Variants in VPS13B observed in about 807,000 individuals in gnomAD.
The protein encoded by VPS13B is intermembrane lipid transfer protein VPS13B.
Under a neutral mutation model 426.4 loss-of-function variants are expected in VPS13B, and 285 were observed. The ratio of observed to expected loss-of-function variants is 0.67; its 90% CI spans 0.61 to 0.74. The LOEUF is 0.74. Among genes scored for constraint, VPS13B ranks in the 30% least tolerant of loss-of-function variants. The pLI is 0.00. For missense variants in VPS13B, 4,537 were observed against 4,782.6 expected, an observed-to-expected ratio of 0.95 and a Z score of 1.51; for synonymous variants, 1,676 against 1,676.4, an observed-to-expected ratio of 1.00 and a Z score of 0.01.
chr8:99,874,730 G>T (rs1272345578), intron 61 of VPS13B, among the ~76,000 whole-genome samples: 1 of 152,062 alleles, frequency 6.6e-6, no homozygotes, highest in Non-Finnish European at 1.5e-5. Flanking sequence ...TCTCACTGAA[G>T]AACCTAGTGT....
intron 21 of VPS13B, among the ~76,000 whole-genome samples, chr8:99,402,770 G>A (rs142901763): frequency 1.3e-5 from 2 of 152,324 alleles, no homozygotes; most frequent in African/African-American, 4.8e-5. Context: ...AGCTAGGAAG[G>A]CAATGAAGTT....
At chr8:99,540,030 TA>T (rs1823485237) in intron 30 of VPS13B, among the ~76,000 whole-genome samples, 1 of 1,466 alleles carries the variant, frequency 6.8e-4, no homozygotes, top group Non-Finnish European at 2.0e-3. Flanking sequence ...TATATATATA[TA>T]TATATATATA....
chr8:99,507,005 G>A, intron 27 of VPS13B, 132 bp from the exon 28 acceptor site: 1 of 888,852 alleles, frequency 1.1e-6, no homozygotes. Context: ...TCTATTGATT[G>A]CATTGTCAGA....
chr8:99,758,325 G>A (rs569398546), intron 39 of VPS13B, among the ~76,000 whole-genome samples: 2 of 152,130 alleles, frequency 1.3e-5, no homozygotes, highest in African/African-American at 2.4e-5. Flanking sequence ...GACAAGAGAG[G>A]ATTAGTGAGT....
At chr8:99,472,878 T>G (rs762949619) in intron 24 of VPS13B, among the ~76,000 whole-genome samples, 1 of 151,928 alleles carries the variant, frequency 6.6e-6, no homozygotes, top group Non-Finnish European at 1.5e-5. Context: ...AAGAAAATAA[T>G]GAACAACTTT....
intron 17 of VPS13B, among the ~76,000 whole-genome samples, chr8:99,228,268 T>C (rs1001456611): frequency 2.0e-5 from 3 of 152,224 alleles, no homozygotes; most frequent in South Asian, 4.1e-4. Flanking sequence ...TTTGTGCTTA[T>C]GTGCTAGGAA....
intron 56 of VPS13B, among the ~76,000 whole-genome samples, chr8:99,858,959 A>T (rs1410750402): frequency 1.3e-5 from 2 of 152,130 alleles, no homozygotes; most frequent in Non-Finnish European, 2.9e-5. Flanking sequence ...TCCCACCTGC[A>T]AACACCTGCA....
intron 21 of VPS13B, among the ~76,000 whole-genome samples, chr8:99,425,560 G>A (rs1426010996): frequency 2.0e-5 from 3 of 152,130 alleles, no homozygotes; most frequent in Non-Finnish European, 4.4e-5. Context: ...TTCATGGGAT[G>A]TATCTCAAAA....
At chr8:99,129,370 C>T (rs1809626161) in intron 8 of VPS13B, among the ~76,000 whole-genome samples, 1 of 150,932 alleles carries the variant, frequency 6.6e-6, no homozygotes, top group Admixed American at 6.6e-5. Flanking sequence ...TGACATATAG[C>T]CTGGGCAACA....
intron 4 of VPS13B, among the ~76,000 whole-genome samples, chr8:99,099,105 A>T (rs923749882): frequency 6.6e-6 from 1 of 152,074 alleles, no homozygotes. Flanking sequence ...TAGCTCCTAC[A>T]GTAATTGCCC....
intron 2 of VPS13B, among the ~76,000 whole-genome samples, chr8:99,021,804 G>A (rs1300128713): frequency 6.6e-6 from 1 of 152,028 alleles, no homozygotes; most frequent in Non-Finnish European, 1.5e-5. Flanking sequence ...GTAGAGACGA[G>A]GTCTCACGAT....
At chr8:99,314,866 A>C (rs988759189) in intron 19 of VPS13B, among the ~76,000 whole-genome samples, 7 of 152,320 alleles carry the variant, frequency 4.6e-5, no homozygotes, top group Middle Eastern at 3.4e-3. Flanking sequence ...TGATCCCCTT[A>C]TTATTATATT....
At chr8:99,378,016 C>T (rs34064887) in intron 19 of VPS13B, among the ~76,000 whole-genome samples, 8,864 of 152,096 alleles carry the variant, frequency 0.058, 266 homozygotes, top group South Asian at 0.093. Flanking sequence ...GACTAGAATT[C>T]GCCAGGCTGG....
chr8:99,627,131 G>A (rs1326359913), intron 33 of VPS13B, among the ~76,000 whole-genome samples: 1 of 152,002 alleles, frequency 6.6e-6, no homozygotes, highest in Non-Finnish European at 1.5e-5. Flanking sequence ...AGGAGGGGAT[G>A]GGGAGTTGTT....
At chr8:99,384,473 T>C (rs1474731320) in intron 20 of VPS13B, among the ~76,000 whole-genome samples, 156 bp downstream of exon 20, 1 of 152,210 alleles carries the variant, frequency 6.6e-6, no homozygotes, top group Admixed American at 6.5e-5. Flanking sequence ...CGTTCCCTTA[T>C]TTTTGTATGA....
chr8:99,437,405 A>C (rs541799215), intron 22 of VPS13B, among the ~76,000 whole-genome samples: 1 of 146,498 alleles, frequency 6.8e-6, no homozygotes, highest in African/African-American at 2.6e-5. Flanking sequence ...CTTTTTTTTT[A>C]AAAAAAAATA....
intron 30 of VPS13B, among the ~76,000 whole-genome samples, chr8:99,543,521 A>G (rs1190478454): frequency 8.5e-5 from 13 of 152,104 alleles, no homozygotes; most frequent in South Asian, 2.1e-4. Context: ...CAGAGTGAAT[A>G]GGCAACCTAC....
chr8:99,401,538 G>A (rs1218886512), intron 21 of VPS13B, among the ~76,000 whole-genome samples: 1 of 152,134 alleles, frequency 6.6e-6, no homozygotes, highest in Non-Finnish European at 1.5e-5. Flanking sequence ...CTGACATGAG[G>A]AAGGACTCCA....
At chr8:99,060,750 G>A (rs1210276100) in intron 3 of VPS13B, among the ~76,000 whole-genome samples, 3 of 152,022 alleles carry the variant, frequency 2.0e-5, no homozygotes, top group African/African-American at 7.2e-5. Context: ...ACTTATTGAG[G>A]ATGTTTTAGT....
Sources: allele counts gnomAD v4.1 joint callset (sites outside exome capture counted in the v4.1 genomes callset), GRCh38; gene constraint gnomAD v4.1.1; transcripts MANE v1.5; gene names NCBI Gene and HGNC (gene_info 2026-07-23, HGNC 2026-07-21).